PTPRF: variants seen among roughly 807,000 people sequenced by gnomAD.
PTPRF encodes the protein protein tyrosine phosphatase receptor type F.
In PTPRF, 59 loss-of-function variants were observed where a neutral mutation model predicts 201.8. That is an observed-to-expected ratio of 0.29 (90% confidence interval 0.24 to 0.36). PTPRF has a LOEUF of 0.36. Among genes scored for constraint, PTPRF ranks in the 10% least tolerant of loss-of-function variants. The pLI, the probability that PTPRF is intolerant of heterozygous loss-of-function variation, is 1.00. For synonymous variants in PTPRF, 1,088 were observed against 1,089.7 expected, an observed-to-expected ratio of 1.00 and a Z score of 0.03; for missense variants, 2,132 against 2,690.5, an observed-to-expected ratio of 0.79 and a Z score of 4.59.
chr1:43,526,445 T>G (rs1643114366), upstream of PTPRF, among the ~76,000 whole-genome samples: 2 of 152,144 alleles, frequency 1.3e-5, no homozygotes, highest in African/African-American at 4.8e-5. Flanking sequence ...AAAAATTTTT[T>G]TTTTTTAATT....
intron 7 of PTPRF, among the ~76,000 whole-genome samples, chr1:43,581,350 C>G (rs1346729928): frequency 6.6e-6 from 1 of 152,232 alleles, no homozygotes; most frequent in Non-Finnish European, 1.5e-5. Flanking sequence ...CTTCTGTTGT[C>G]TCTCTCACAC....
At chr1:43,590,096 ACG>A (rs1650270700) in intron 8 of PTPRF, among the ~76,000 whole-genome samples, 1 of 152,116 alleles carries the variant, frequency 6.6e-6, no homozygotes, top group Non-Finnish European at 1.5e-5. Context: ...CCACCCTGTC[ACG>A]CGCCAGCTGT....
chr1:43,559,589 C>CAGTGT (rs34985615), intron 5 of PTPRF, among the ~76,000 whole-genome samples: 39 of 150,784 alleles, frequency 2.6e-4, no homozygotes, highest in African/African-American at 6.1e-4. Context: ...GTGCAGCAGG[C>CAGTGT]GTGTGTGTGT....
chr1:43,558,065 G>A (rs1225130007), intron 5 of PTPRF, among the ~76,000 whole-genome samples: 3 of 152,176 alleles, frequency 2.0e-5, no homozygotes, highest in Non-Finnish European at 4.4e-5. Flanking sequence ...GACTTGGACT[G>A]GAGCTCTGGG....
intron 5 of PTPRF, among the ~76,000 whole-genome samples, chr1:43,567,811 G>A (rs780597367): frequency 6.6e-6 from 1 of 152,142 alleles, no homozygotes; most frequent in Non-Finnish European, 1.5e-5. Context: ...ACTTCCCTTG[G>A]CACATGTTCC....
In PTPRF at chr1:43,604,062, C is replaced by A. The variant is rs1230582995; in HGVS notation, c.2910C>A (p.Asp970Glu). 1.2e-6 allele frequency: 2 copies of A among 1,614,120 alleles called. No individual in the cohort carries two copies. The highest frequency in any genetic ancestry group is 8.5e-7 in the Non-Finnish European group (1 of 1,180,050). The change falls in exon 16 of 34, where the codon GAC (aspartate) becomes GAA (glutamate). Residue 970 changes from aspartate (D) to glutamate (E), a missense_variant. Around this residue, in one of 6 missense-constraint regions of PTPRF, gnomAD observed 818 missense variants for 915.3 expected, o/e 0.89. Coordinates refer to ENST00000359947, the MANE Select transcript of PTPRF (RefSeq NM_002840.5). Reference sequence around the variant, plus strand: ...AGGAGCTGCAGAACATCACGACAGACACCCGCTTTACCCTTACTGGCCTCA... The same window carrying A: ...AGGAGCTGCAGAACATCACGACAGAAACCCGCTTTACCCTTACTGGCCTCA... Reference protein sequence around the residue: ...SQQELQNITTDTRFTLTGLKP... With the variant: ...SQQELQNITTETRFTLTGLKP...
At chr1:43,577,653 G>A (rs974913406) in intron 6 of PTPRF, among the ~76,000 whole-genome samples, 1 of 152,142 alleles carries the variant, frequency 6.6e-6, no homozygotes, top group Non-Finnish European at 1.5e-5. Flanking sequence ...GGCAGGGGGG[G>A]CCCGGCAGCT....
chr1:43,606,909 TC>T lies in PTPRF; in HGVS notation c.3801del (p.Val1268CysfsTer35). 1.2e-6 allele frequency: 2 copies of T among 1,614,138 alleles called. No homozygotes were observed. The highest frequency in any genetic ancestry group is 1.7e-6 in the Non-Finnish European group (2 of 1,180,024). On this transcript the variant is annotated frameshift_variant, in exon 21 of 34. Coordinates refer to ENST00000359947, the MANE Select transcript of PTPRF (RefSeq NM_002840.5). LOFTEE classifies it high-confidence loss of function. ...AGCCGGAGATGCTGTGGGTGACGGG[TC>T]CCGTGCTGGCAGTCATCCTCATCAT... ...EEPEMLWVTGPVLAVILIILI... is the reference protein window; with the variant it reads ...EEPEMLWVTGXVLAVILIILI...
At chr1:43,616,757 G>T (rs915701952) in intron 23 of PTPRF, among the ~76,000 whole-genome samples, 1 of 152,144 alleles carries the variant, frequency 6.6e-6, no homozygotes, top group African/African-American at 2.4e-5. Context: ...GTGTCAGAGA[G>T]GCTGCTGGGT....
intron 7 of PTPRF, among the ~76,000 whole-genome samples, chr1:43,585,305 C>T (rs534121595): frequency 2.0e-5 from 3 of 152,296 alleles, no homozygotes; most frequent in Admixed American, 6.5e-5. Context: ...GTCTAGGATG[C>T]GGGTCCCTGT....
chr1:43,527,771 C>T (rs564759154), upstream of PTPRF, among the ~76,000 whole-genome samples: 1 of 152,266 alleles, frequency 6.6e-6, no homozygotes, highest in Non-Finnish European at 1.5e-5. Context: ...CTACCAAGGC[C>T]CAGGCTAGCA....
chr1:43,588,454 A>T lies in PTPRF; in HGVS notation c.680-277A>T, dbSNP rs993718237. ...AGACAGGACCTTCCTGACAGGCCTC[A>T]GTTTCCTAGGCTATAAAATGGGAGC... On this transcript the variant is annotated intron_variant, in intron 7 of 33. Coordinates refer to ENST00000359947, the MANE Select transcript of PTPRF (RefSeq NM_002840.5). This position sits in a 1 kb window ranked among gnomAD's most constrained non-coding sequence, Gnocchi z 5.3. Among the ~76,000 whole-genome samples, 6 of 152,168 alleles carry T rather than the reference A, an allele frequency of 3.9e-5. No homozygotes were observed. Among genetic ancestry groups the T allele is most frequent in the African/African-American group, 1.4e-4 (6 of 41,438 alleles).
intron 5 of PTPRF, among the ~76,000 whole-genome samples, chr1:43,565,878 C>A (rs1010641433): frequency 5.3e-5 from 8 of 152,004 alleles, no homozygotes; most frequent in African/African-American, 1.9e-4. Context: ...AGCCCTTCCG[C>A]GGCAGCGCCC....
chr1:43,597,578 G>A (rs900074792), intron 11 of PTPRF, among the ~76,000 whole-genome samples, 170 bp from the exon 12 acceptor site: 6 of 152,146 alleles, frequency 3.9e-5, no homozygotes, highest in African/African-American at 1.2e-4. Context: ...AGGGAGTCAG[G>A]TGTCCTTGGC....
At chr1:43,601,438 C>T (rs1159089354) in intron 13 of PTPRF, among the ~76,000 whole-genome samples, 2 of 152,272 alleles carry the variant, frequency 1.3e-5, no homozygotes, top group Non-Finnish European at 2.9e-5. Flanking sequence ...GCTTGGCACT[C>T]ACAGCCTTCA....
intron 7 of PTPRF, among the ~76,000 whole-genome samples, chr1:43,580,461 G>A (rs767741794): frequency 1.3e-5 from 2 of 152,236 alleles, no homozygotes; most frequent in Non-Finnish European, 2.9e-5. Flanking sequence ...TGCTTCATGA[G>A]AGTTGGGGGC....
In PTPRF at chr1:43,613,270, G is replaced by A. The variant is rs201116538; in HGVS notation, c.3974-348G>A. On this transcript the variant is annotated intron_variant, in intron 22 of 33. Transcript: ENST00000359947. The stretch of plus-strand genomic sequence containing the variant: ...GCTGTCTGCAGGCAGATGCGATGGA[G>A]CCCAGCTCCTGTCACGTCTGCTGCC... The A allele has an allele frequency of 2.6e-5, 9 of 341,212 alleles. No homozygotes were observed. In the East Asian group the frequency reaches 6.5e-4, roughly 25 times the overall value. The allele number at this position is 341,212 out of a possible 1,614,324, so 21.1% of individuals were successfully genotyped here. A position where few individuals can be genotyped will look rare whatever the true frequency, so the allele number is the denominator to read the frequency against.
chr1:43,612,675 T>G, intron 22 of PTPRF: 10 of 1,118,934 alleles, frequency 8.9e-6, no homozygotes, highest in Non-Finnish European at 1.2e-5. Flanking sequence ...ACCTCCACTG[T>G]GTGTGATGGT....
chr1:43,549,381 A>C (rs1270614595), intron 3 of PTPRF, among the ~76,000 whole-genome samples: 1 of 152,174 alleles, frequency 6.6e-6, no homozygotes, highest in Non-Finnish European at 1.5e-5. Flanking sequence ...GACACAGAGC[A>C]GGCTCCTACA....
Sources: gnomAD v4.1 joint callset for allele counts (sites outside exome capture counted in the v4.1 genomes callset) on GRCh38, gnomAD v4.1.1 for gene constraint, gnomAD v4.1.1 regional missense constraint, Gnocchi (gnomAD v3.1) non-coding constraint, MANE v1.5 for transcripts, NCBI Gene and HGNC (gene_info 2026-07-23, HGNC 2026-07-21) for gene names.